STK10: variants seen among roughly 807,000 people sequenced by gnomAD.
STK10 encodes serine/threonine kinase 10.
A neutral mutation model predicts 113.8 loss-of-function variants in STK10; 78 were observed. The ratio of observed to expected loss-of-function variants is 0.69; its 90% CI spans 0.57 to 0.83. The LOEUF (loss-of-function observed/expected upper bound fraction) is 0.83. Among genes scored for constraint, STK10 ranks in the 40% least tolerant of loss-of-function variants. The pLI, the probability that STK10 is intolerant of heterozygous loss-of-function variation, is 0.00. For missense variants in STK10, 1,109 were observed against 1,280.1 expected (o/e 0.87, Z 2.04); for synonymous variants, 465 against 494.7 (o/e 0.94, Z 0.80).
At chr5:172,076,046 T>C (rs1768296928) in intron 12 of STK10, among the ~76,000 whole-genome samples, 1 of 152,228 alleles carries the variant, frequency 6.6e-6, no homozygotes, top group Admixed American at 6.5e-5. Flanking sequence ...GTAATCTGAA[T>C]CCTTCTCCTA....
intron 2 of STK10, among the ~76,000 whole-genome samples, chr5:172,142,019 G>T (rs764281582): frequency 6.6e-6 from 1 of 152,172 alleles, no homozygotes. Flanking sequence ...TAGCCACTGG[G>T]AATACAGCAG....
In STK10 at chr5:172,082,790, C is replaced by A. The variant is rs112705540; in HGVS notation, c.1809+171G>T. ...GGACTCAGGATCGCTGTGACCTTCA[C>A]GGGGTTCTGTGTTAACAAGTCACTG... On this transcript the variant is annotated intron_variant, in intron 11 of 18. Coordinates refer to ENST00000176763, the MANE Select transcript of STK10 (RefSeq NM_005990.4). This position sits in a 1 kb window ranked among gnomAD's most constrained non-coding sequence, Gnocchi z 4.3. Among the ~76,000 whole-genome samples, 328 of 152,280 alleles carry A rather than the reference C, an allele frequency of 2.2e-3. No homozygotes were observed. The highest frequency in any genetic ancestry group is 7.5e-3 in the African/African-American group (313 of 41,534).
At chr5:172,106,947 T>C (rs1476795658) in intron 5 of STK10, 133 bp from the exon 6 acceptor site, 3 of 863,346 alleles carry the variant, frequency 3.5e-6, no homozygotes, top group South Asian at 1.8e-5. Context: ...CTGCGTGACT[T>C]TGCATCCCAC....
intron 7 of STK10, among the ~76,000 whole-genome samples, chr5:172,101,047 C>T (rs1468359045): frequency 6.6e-6 from 1 of 152,188 alleles, no homozygotes; most frequent in Non-Finnish European, 1.5e-5. Flanking sequence ...TTACCATCTG[C>T]TCAACAGAGA....
At chr5:172,170,132 T>C (rs1770640880) in intron 1 of STK10, among the ~76,000 whole-genome samples, 1 of 152,044 alleles carries the variant, frequency 6.6e-6, no homozygotes, top group Admixed American at 6.5e-5. Context: ...CTTTTTTTTT[T>C]TTTTTTCAGT....
intron 3 of STK10, among the ~76,000 whole-genome samples, chr5:172,119,256 G>A (rs1397672736): frequency 6.6e-6 from 1 of 152,202 alleles, no homozygotes; most frequent in Non-Finnish European, 1.5e-5. Flanking sequence ...TGTGTGGTGG[G>A]AGGGGGCAAA....
intron 12 of STK10, among the ~76,000 whole-genome samples, chr5:172,070,313 A>C (rs1007164404): frequency 3.3e-5 from 5 of 151,284 alleles, no homozygotes; most frequent in Admixed American, 6.6e-5. Flanking sequence ...GATCATAATG[A>C]AATCAAACTA....
chr5:172,119,928 G>A (rs969864654), intron 3 of STK10, among the ~76,000 whole-genome samples: 2 of 152,146 alleles, frequency 1.3e-5, no homozygotes, highest in African/African-American at 4.8e-5. Flanking sequence ...AGAGCTTGCT[G>A]GGCAGCAGGG....
At chr5:172,060,863 G>A (rs6860876) in intron 14 of STK10, among the ~76,000 whole-genome samples, 31,867 of 152,126 alleles carry the variant, frequency 0.21, 3,661 homozygotes, top group Middle Eastern at 0.27. Flanking sequence ...TCCACCTCCC[G>A]TAAATCCAGC....
rs1767657475 is a variant in STK10 at position 172,052,850 on chromosome 5, C to T, written c.2766+79G>A. 7.2e-6 allele frequency: 10 copies of T among 1,386,828 alleles called. 1 individual carries two copies. In the South Asian group the frequency reaches 1.2e-4, roughly 17 times the overall value. The allele number at this position is 1,386,828 out of a possible 1,614,324, so 85.9% of individuals were successfully genotyped here. A position where few individuals can be genotyped will look rare whatever the true frequency, so the allele number is the denominator to read the frequency against. On this transcript the variant is annotated intron_variant, in intron 18 of 18. Coordinates refer to ENST00000176763, the MANE Select transcript of STK10 (RefSeq NM_005990.4). ...CAAGAGTCCACCAAAATAAGGAGAC[C>T]TAACATGTCCTGGCCAGAGGCCTGT...
intron 7 of STK10, among the ~76,000 whole-genome samples, chr5:172,103,670 C>T (rs923107745): frequency 1.3e-5 from 2 of 152,100 alleles, no homozygotes; most frequent in African/African-American, 4.8e-5. Flanking sequence ...CTTTCAAATA[C>T]GTTATAGAAA....
chr5:172,100,010 A>G (rs2113755648), intron 7 of STK10, among the ~76,000 whole-genome samples: 2 of 152,340 alleles, frequency 1.3e-5, no homozygotes, highest in East Asian at 3.9e-4. Flanking sequence ...TGAGGAGGGC[A>G]GCTCTGCCAG....
In STK10 at chr5:172,187,859, G is replaced by C; in HGVS notation, c.156+28C>G. On this transcript the variant is annotated intron_variant, in intron 1 of 18. Coordinates refer to ENST00000176763, the MANE Select transcript of STK10 (RefSeq NM_005990.4). This position sits in a 1 kb window ranked among gnomAD's most constrained non-coding sequence, Gnocchi z 4.6. ...TTCCTTCCGGAGCCCCTCGACGCGCGTCCGGCCACCCACCTCAGCGCCCTC... is the reference window on the plus strand; with the variant it reads ...TTCCTTCCGGAGCCCCTCGACGCGCCTCCGGCCACCCACCTCAGCGCCCTC... 1 of 1,609,310 alleles carries C rather than the reference G, an allele frequency of 6.2e-7. No homozygotes were observed. The highest frequency in any genetic ancestry group is 8.5e-7 in the Non-Finnish European group (1 of 1,178,176).
At chr5:172,182,032 C>A (rs557413932) in intron 1 of STK10, among the ~76,000 whole-genome samples, 4 of 152,136 alleles carry the variant, frequency 2.6e-5, no homozygotes, top group African/African-American at 7.2e-5. Flanking sequence ...AAGGCCGGCT[C>A]GGTGGCTCAC....
intron 1 of STK10, among the ~76,000 whole-genome samples, chr5:172,176,912 G>A (rs35248123): frequency 0.35 from 53,737 of 151,978 alleles, 10,012 homozygotes; most frequent in African/African-American, 0.47. Flanking sequence ...GGTGGCTCAC[G>A]CCTGTAATCC....
intron 2 of STK10, among the ~76,000 whole-genome samples, chr5:172,149,613 C>T (rs1369550681): frequency 6.6e-6 from 1 of 151,818 alleles, no homozygotes; most frequent in African/African-American, 2.4e-5. Context: ...CCGAGGAAGA[C>T]CAGGTCCCCA....
intron 13 of STK10, chr5:172,064,490 G>C (rs369829270): frequency 5.7e-5 from 34 of 592,394 alleles, no homozygotes; most frequent in South Asian, 2.4e-4. Context: ...TCAATGTAAA[G>C]TGTTGGGGTA....
rs1032041117 is a variant in STK10 at position 172,188,133 on chromosome 5, G to A, written c.-91C>T. 1.3e-6 allele frequency: 2 copies of A among 1,513,946 alleles called. No individual in the cohort carries two copies. Among genetic ancestry groups the A allele is most frequent in the South Asian group, 1.3e-5 (1 of 78,880 alleles). The allele number at this position is 1,513,946 out of a possible 1,614,324, so 93.8% of individuals were successfully genotyped here. On this transcript the variant is annotated 5_prime_UTR_variant, in exon 1 of 19. Transcript: ENST00000176763. The surrounding 1 kb of genome is among the most constrained non-coding windows in gnomAD (Gnocchi z 5.6). ...CGAGGAGAAGGAGGAGGAGTTGGAG[G>A]ACGCCGCGTCTCTCGGGGTTCTCCC...
At chr5:172,081,179 C>T (rs1768418902) in intron 12 of STK10, among the ~76,000 whole-genome samples, 1 of 151,928 alleles carries the variant, frequency 6.6e-6, no homozygotes, top group African/African-American at 2.4e-5. Flanking sequence ...GGTGAAACCC[C>T]ATCTCTACCA....
Sources: allele counts gnomAD v4.1 joint callset (sites outside exome capture counted in the v4.1 genomes callset), GRCh38; gene constraint gnomAD v4.1.1; non-coding constraint Gnocchi (gnomAD v3.1); transcripts MANE v1.5; gene names NCBI Gene and HGNC (gene_info 2026-07-23, HGNC 2026-07-21).